The following RRP15 variants were observed in gnomAD, a reference collection of about 807,000 sequenced individuals.
RRP15 encodes ribosomal RNA processing 15 homolog.
A neutral mutation model predicts 27.1 loss-of-function variants in RRP15; 18 were observed. The observed-to-expected ratio is 0.66, with a 90% CI of 0.46 to 0.98. The LOEUF is 0.98. RRP15 is among the 50% of genes least tolerant of loss of function. The pLI, the probability that RRP15 is intolerant of heterozygous loss-of-function variation, is 0.00. For synonymous variants in RRP15, 107 were observed against 109.4 expected (o/e 0.98, Z 0.14); for missense variants, 359 against 337.8 (o/e 1.06, Z -0.49).
At chr1:218,288,503 C>T (rs928441741) in intron 1 of RRP15, among the ~76,000 whole-genome samples, 1 of 152,148 alleles carries the variant, frequency 6.6e-6, no homozygotes, top group Non-Finnish European at 1.5e-5. Context: ...CTGCTATTAT[C>T]CTCCTGTTAC....
intron 1 of RRP15, among the ~76,000 whole-genome samples, chr1:218,297,197 C>A (rs932649969): frequency 6.6e-6 from 1 of 152,136 alleles, no homozygotes; most frequent in African/African-American, 2.4e-5. Flanking sequence ...GAACATAACA[C>A]CCCAAGTCTA....
chr1:218,307,428 C>T lies in RRP15; in HGVS notation c.504-3C>T. On this transcript the variant is annotated splice_region_variant and splice_polypyrimidine_tract_variant and intron_variant, in intron 3 of 4. Coordinates refer to ENST00000366932, the MANE Select transcript of RRP15 (RefSeq NM_016052.4). The stretch of plus-strand genomic sequence containing the variant: ...ATCATTCTGGTCATTTTATATTCTA[C>T]AGGGGTGTGGTGCAATTATTTAATG... 1 of 1,610,662 alleles carries T rather than the reference C, an allele frequency of 6.2e-7. No individual in the cohort carries two copies. The highest frequency in any genetic ancestry group is 8.5e-7 in the Non-Finnish European group (1 of 1,177,416).
chr1:218,332,159 T>TC lies in RRP15; in HGVS notation c.*1069dup, dbSNP rs1327330788. 42 of 152,282 alleles carry TC rather than the reference T, an allele frequency of 2.8e-4. No individual in the cohort carries two copies. Among genetic ancestry groups the TC allele is most frequent in the African/African-American group, 1.0e-3 (42 of 41,554 alleles). The allele number at this position is 152,282 out of a possible 1,614,324, so 9.4% of individuals were successfully genotyped here. A position where few individuals can be genotyped will look rare whatever the true frequency, so the allele number is the denominator to read the frequency against. ...GTTTGACATGCTTTAGTCTCTCTCT[T>TC]CTTTTTTTTCCTCCCAAATATTTGA... On this transcript the variant is annotated 3_prime_UTR_variant, in exon 5 of 5. Transcript: ENST00000366932.
At chr1:218,323,610 C>G (rs1042516215) in intron 4 of RRP15, among the ~76,000 whole-genome samples, 2 of 152,202 alleles carry the variant, frequency 1.3e-5, no homozygotes, top group African/African-American at 2.4e-5. Context: ...GGACCCTCCC[C>G]CTTCTACCCA....
At chr1:218,286,786 C>T (rs1253272708) in intron 1 of RRP15, among the ~76,000 whole-genome samples, 1 of 152,160 alleles carries the variant, frequency 6.6e-6, no homozygotes, top group East Asian at 1.9e-4. Flanking sequence ...GTCTTCATCT[C>T]CTGCCACATT....
intron 4 of RRP15, among the ~76,000 whole-genome samples, chr1:218,328,748 A>T (rs17558084): frequency 0.02 from 2,967 of 151,236 alleles, 46 homozygotes; most frequent in Middle Eastern, 0.092. Flanking sequence ...TACCTAGGAG[A>T]GGAGTAGAGG....
intron 4 of RRP15, among the ~76,000 whole-genome samples, chr1:218,316,664 A>G (rs1002685211): frequency 3.4e-4 from 51 of 152,230 alleles, no homozygotes; most frequent in African/African-American, 1.1e-3. Flanking sequence ...GTTAATATAC[A>G]TAAAGCACTT....
chr1:218,319,486 T>A (rs1394341879), intron 4 of RRP15, among the ~76,000 whole-genome samples: 1 of 152,246 alleles, frequency 6.6e-6, no homozygotes, highest in Non-Finnish European at 1.5e-5. Flanking sequence ...CTGTGTAAAC[T>A]GGCTCATGTG....
In RRP15 at chr1:218,314,827, C is replaced by T. The variant is rs1015211547; in HGVS notation, c.705+7195C>T. On this transcript the variant is annotated intron_variant, in intron 4 of 4. Coordinates refer to ENST00000366932, the MANE Select transcript of RRP15 (RefSeq NM_016052.4). ...CCAACATGGTGAAACCCCGTCTCTA[C>T]TAAAAAATACAAAAATTAGCCAGGC... Among the ~76,000 whole-genome samples, 4 of 151,568 alleles carry T rather than the reference C, an allele frequency of 2.6e-5. No individual in the cohort carries two copies. In the East Asian group the frequency reaches 5.8e-4, roughly 22 times the overall value.
intron 2 of RRP15, among the ~76,000 whole-genome samples, chr1:218,303,086 C>G (rs1655840166): frequency 6.6e-6 from 1 of 152,066 alleles, no homozygotes; most frequent in South Asian, 2.1e-4. Flanking sequence ...AGTTGTTAGA[C>G]TAGGTATAAT....
At position 218,337,514 on chromosome 1, in the gene RRP15, G is replaced by A. The variant is rs375647165; in HGVS notation, c.*6423G>A. 3 of 152,140 alleles carry A rather than the reference G, an allele frequency of 2.0e-5. No individual in the cohort carries two copies. The highest frequency in any genetic ancestry group is 2.4e-5 in the African/African-American group (1 of 41,434). 9.4% of individuals were successfully genotyped at this position (152,140 alleles called of 1,614,324 possible). A position where few individuals can be genotyped will look rare whatever the true frequency, so the allele number is the denominator to read the frequency against. ...TCTGTCAATTCCTTTTAAAATGATG[G>A]TTGTGAAGACTGATGAAAACACAGT... On this transcript the variant is annotated 3_prime_UTR_variant, in exon 5 of 5. Coordinates refer to ENST00000366932, the MANE Select transcript of RRP15 (RefSeq NM_016052.4).
intron 1 of RRP15, among the ~76,000 whole-genome samples, chr1:218,291,529 T>C (rs913036922): frequency 1.1e-5 from 1 of 90,178 alleles, no homozygotes; most frequent in Admixed American, 9.7e-5. Context: ...TGAATTTTCC[T>C]TTTTTTTTTT....
rs1380373980 is a variant in RRP15 at position 218,285,305 on chromosome 1, C to A, written c.-12C>A. The A allele has an allele frequency of 6.2e-7, 1 of 1,612,912 alleles. No homozygotes were observed. The highest frequency in any genetic ancestry group is 8.5e-7 in the Non-Finnish European group (1 of 1,179,644). ...GGACGCAACTGTCAGGTGACGCTTC[C>A]GGCGCAGAAAAATGGCAGCCGCCGC... On this transcript the variant is annotated 5_prime_UTR_variant, in exon 1 of 5. Transcript: ENST00000366932.
intron 2 of RRP15, 75 bp from the exon 3 acceptor site, chr1:218,304,952 CA>C: frequency 7.6e-7 from 1 of 1,321,826 alleles, no homozygotes; most frequent in Non-Finnish European, 1.1e-6. Context: ...CACCCTTTCA[CA>C]GAGTATCATA....
At chr1:218,305,480 C>T (rs745526056) in intron 3 of RRP15, among the ~76,000 whole-genome samples, 5 of 152,172 alleles carry the variant, frequency 3.3e-5, no homozygotes, top group Admixed American at 2.0e-4. Flanking sequence ...ATACATTACA[C>T]ATTATAGCTA....
At chr1:218,312,626 C>T (rs1477114909) in intron 4 of RRP15, among the ~76,000 whole-genome samples, 1 of 151,776 alleles carries the variant, frequency 6.6e-6, no homozygotes, top group Non-Finnish European at 1.5e-5. Flanking sequence ...ACCTTCTTTG[C>T]CAAATTGTTT....
rs1301803452 is a variant in RRP15, at chr1:218,336,244, G to A, written c.*5153G>A. ...AGAGCAAATGTAGGTTGCAGATTCA[G>A]GCAAAACACACACACACACACACAC... On this transcript the variant is annotated 3_prime_UTR_variant, in exon 5 of 5. Transcript: ENST00000366932. 6.6e-6 allele frequency: 1 copy of A among 151,282 alleles called. No individual in the cohort carries two copies. Among genetic ancestry groups the A allele is most frequent in the Non-Finnish European group, 1.5e-5 (1 of 67,916 alleles). The allele number at this position is 151,282 out of a possible 1,614,324, so 9.4% of individuals were successfully genotyped here.
rs34150523 is a variant in RRP15 at position 218,331,651 on chromosome 1, C to CTTTTTTTTTTTTTTT, written c.*585_*599dup. 9 of 35,650 alleles carry CTTTTTTTTTTTTTTT rather than the reference C, an allele frequency of 2.5e-4. 4 individuals carry two copies. Among genetic ancestry groups the CTTTTTTTTTTTTTTT allele is most frequent in the African/African-American group, 4.4e-4 (5 of 11,432 alleles). 2.2% of individuals were successfully genotyped at this position (35,650 alleles called of 1,614,324 possible). A position where few individuals can be genotyped will look rare whatever the true frequency, so the allele number is the denominator to read the frequency against. Reference sequence around the variant, plus strand: ...TGATTTAAGAAACAACAGATTTCAACTTTTTTTTTTTTTTTTTTTTTTTTT... The same window carrying CTTTTTTTTTTTTTTT: ...TGATTTAAGAAACAACAGATTTCAACTTTTTTTTTTTTTTTTTTTTTTTTTTTTTTTTTTTTTTTT... On this transcript the variant is annotated 3_prime_UTR_variant, in exon 5 of 5. Transcript: ENST00000366932.
chr1:218,318,949 T>A (rs1333255323), intron 4 of RRP15, among the ~76,000 whole-genome samples: 2 of 152,160 alleles, frequency 1.3e-5, no homozygotes, highest in African/African-American at 4.8e-5. Flanking sequence ...TAGCTGACAC[T>A]TTTCAAGAGA....
Sources: allele counts gnomAD v4.1 joint callset (sites outside exome capture counted in the v4.1 genomes callset), GRCh38; gene constraint gnomAD v4.1.1; transcripts MANE v1.5; gene names NCBI Gene and HGNC (gene_info 2026-07-23, HGNC 2026-07-21).